IPCEF1: variants seen among roughly 807,000 people sequenced by gnomAD.
IPCEF1 encodes interactor protein for cytohesin exchange factors 1.
IPCEF1 carries 31 observed loss-of-function variants against 50.9 expected under a neutral mutation model. That is an observed-to-expected ratio of 0.61 (90% CI 0.46 to 0.82). The LOEUF is 0.82. Ranked by LOEUF, IPCEF1 falls within the 40% of genes least tolerant of loss-of-function variation. The pLI, the probability that IPCEF1 is intolerant of heterozygous loss-of-function variation, is 0.00. For missense variants in IPCEF1, 458 were observed against 514.0 expected, an observed-to-expected ratio of 0.89 and a Z score of 1.05; for synonymous variants, 181 against 192.0, an observed-to-expected ratio of 0.94 and a Z score of 0.47.
chr6:154,288,676 CAAAAAAAAAAAAAA>C (rs558703057), intron 2 of IPCEF1, among the ~76,000 whole-genome samples: 1,055 of 46,946 alleles, frequency 0.022, 13 homozygotes, highest in Non-Finnish European at 0.033. Context: ...ACAAAAAAAA[CAAAAAAAAAAAAAA>C]AAAAAAAAAA....
chr6:154,160,214 T>A lies in IPCEF1; in HGVS notation c.1105-174A>T, dbSNP rs550985959. Among the ~76,000 whole-genome samples the A allele has an allele frequency of 2.0e-5, 3 of 152,370 alleles. No individual in the cohort carries two copies. In the South Asian group the frequency reaches 6.2e-4, roughly 32 times the overall value. ...TTAAGAAATACGACATTTGTTTGCA[T>A]ACGCTAGCCGCAAAGAAGTGAAGTA... On this transcript the variant is annotated intron_variant, in intron 11 of 11. Coordinates refer to ENST00000367220, the MANE Select transcript of IPCEF1 (RefSeq NM_001130700.2).
intron 3 of IPCEF1, among the ~76,000 whole-genome samples, chr6:154,248,546 C>T (rs1031732413): frequency 6.6e-6 from 1 of 152,070 alleles, no homozygotes; most frequent in Non-Finnish European, 1.5e-5. Flanking sequence ...CTAGAGGTTC[C>T]TGGCTTATAG....
intron 1 of IPCEF1, among the ~76,000 whole-genome samples, chr6:154,300,029 C>T (rs1782752874): frequency 7.1e-6 from 1 of 140,644 alleles, no homozygotes; most frequent in South Asian, 2.2e-4. Flanking sequence ...GAAGACTTCA[C>T]CTCACCAGTC....
At chr6:154,261,857 C>T (rs1781610377) in intron 3 of IPCEF1, among the ~76,000 whole-genome samples, 1 of 152,054 alleles carries the variant, frequency 6.6e-6, no homozygotes, top group African/African-American at 2.4e-5. Flanking sequence ...ATCTTTATAC[C>T]CCAGCACCAA....
chr6:154,347,500 C>T (rs1014156554), intron 1 of IPCEF1, among the ~76,000 whole-genome samples: 3 of 152,254 alleles, frequency 2.0e-5, no homozygotes, highest in African/African-American at 4.8e-5. Context: ...CCCTTGCAGA[C>T]AGCAAGAGGA....
intron 3 of IPCEF1, among the ~76,000 whole-genome samples, chr6:154,259,391 G>A (rs1233296604): frequency 2.0e-5 from 3 of 152,122 alleles, no homozygotes; most frequent in Non-Finnish European, 4.4e-5. Flanking sequence ...GGTGGCTCAC[G>A]CCTGTAATCC....
chr6:154,327,047 C>T (rs966151356), intron 1 of IPCEF1, among the ~76,000 whole-genome samples: 1 of 152,124 alleles, frequency 6.6e-6, no homozygotes, highest in Non-Finnish European at 1.5e-5. Context: ...TTCCTTACAC[C>T]TTATACAAAA....
At chr6:154,291,611 A>G (rs1178826913) in intron 1 of IPCEF1, among the ~76,000 whole-genome samples, 1 of 151,132 alleles carries the variant, frequency 6.6e-6, no homozygotes, top group East Asian at 1.9e-4. Context: ...ACCCCTATAT[A>G]CTTCAGCATG....
At chr6:154,260,816 G>GTGT (rs1781580038) in intron 3 of IPCEF1, among the ~76,000 whole-genome samples, 4 of 152,042 alleles carry the variant, frequency 2.6e-5, no homozygotes, top group African/African-American at 4.8e-5. Flanking sequence ...ATATATGCTA[G>GTGT]TATTATTTAT....
At chr6:154,328,311 C>A (rs1783571964) in intron 1 of IPCEF1, among the ~76,000 whole-genome samples, 1 of 152,174 alleles carries the variant, frequency 6.6e-6, no homozygotes, top group Admixed American at 6.5e-5. Context: ...ACTAGGCTTG[C>A]CCAGTGCTCT....
intron 1 of IPCEF1, among the ~76,000 whole-genome samples, chr6:154,331,405 A>AAGAAAGAAAGAGAGAGAG (rs60403800): frequency 1.1e-5 from 1 of 92,948 alleles, no homozygotes; most frequent in Admixed American, 1.2e-4. Flanking sequence ...GAAAGAAAGA[A>AAGAAAGAAAGAGAGAGAG]AGAGAGAGAA....
intron 1 of IPCEF1, among the ~76,000 whole-genome samples, chr6:154,296,636 T>C (rs942407825): frequency 6.6e-6 from 1 of 152,086 alleles, no homozygotes; most frequent in Non-Finnish European, 1.5e-5. Context: ...AAGACCATCC[T>C]GGCTAACACA....
At chr6:154,215,432 C>T (rs766187880) in intron 7 of IPCEF1, among the ~76,000 whole-genome samples, 1 of 151,918 alleles carries the variant, frequency 6.6e-6, no homozygotes, top group East Asian at 1.9e-4. Flanking sequence ...GGAGAAACCC[C>T]GTCACTACTT....
chr6:154,235,547 A>AT lies in IPCEF1; in HGVS notation c.246+11043_246+11044insA, dbSNP rs1554297359. ...ACTCTGTCACAAAAAAAAAAAAAAA[A>AT]AAAAGTAATGAAGACAAAGTTAAGT... On this transcript the variant is annotated intron_variant, in intron 5 of 11. Transcript: ENST00000367220. Among the ~76,000 whole-genome samples, 1,329 of 149,816 alleles carry AT rather than the reference A, an allele frequency of 8.9e-3. 52 individuals carry two copies. In the East Asian group the frequency reaches 0.13, roughly 14 times the overall value.
chr6:154,338,589 G>C (rs1299012525), intron 1 of IPCEF1, among the ~76,000 whole-genome samples: 2 of 152,152 alleles, frequency 1.3e-5, no homozygotes, highest in Non-Finnish European at 2.9e-5. Flanking sequence ...CAAACTATCT[G>C]ACCCATCTAC....
chr6:154,291,094 A>T (rs999254088), intron 1 of IPCEF1, among the ~76,000 whole-genome samples: 1 of 151,944 alleles, frequency 6.6e-6, no homozygotes, highest in Admixed American at 6.6e-5. Flanking sequence ...GGGTTTTGCC[A>T]TGTTGGTCAG....
intron 3 of IPCEF1, among the ~76,000 whole-genome samples, chr6:154,261,043 G>C (rs183551310): frequency 1.1e-4 from 16 of 152,270 alleles, no homozygotes; most frequent in African/African-American, 3.6e-4. Context: ...AAAGGCGTGT[G>C]TGTGCATGTG....
At chr6:154,169,165 A>G (rs1003538187) in intron 10 of IPCEF1, among the ~76,000 whole-genome samples, 18 of 152,042 alleles carry the variant, frequency 1.2e-4, no homozygotes, top group Non-Finnish European at 1.8e-4. Flanking sequence ...GTTTGAGACC[A>G]CACTTGACAA....
rs141574060 is a variant in IPCEF1, at chr6:154,290,303, A to G, written c.-61-547T>C. On this transcript the variant is annotated intron_variant, in intron 1 of 11. Transcript: ENST00000367220. ...GCATGCTCCCCTCCCAACGTCTGGCAGGCCATTGCACATGCGGAAAGCCCA... is the reference window on the plus strand; with the variant it reads ...GCATGCTCCCCTCCCAACGTCTGGCGGGCCATTGCACATGCGGAAAGCCCA... Among the ~76,000 whole-genome samples the G allele has an allele frequency of 6.6e-5, 10 of 152,274 alleles. No homozygotes were observed. The East Asian group carries it at 1.9e-3, about 29-fold the overall frequency.
Sources: allele counts gnomAD v4.1 joint callset (sites outside exome capture counted in the v4.1 genomes callset), GRCh38; gene constraint gnomAD v4.1.1; transcripts MANE v1.5; gene names NCBI Gene and HGNC (gene_info 2026-07-23, HGNC 2026-07-21).